Variants in CFAP299 observed in about 807,000 individuals in gnomAD.
CFAP299 encodes the protein cilia- and flagella-associated protein 299.
Under a neutral mutation model 27.0 loss-of-function variants are expected in CFAP299, and 21 were observed. The observed-to-expected ratio is 0.78, with a 90% confidence interval of 0.55 to 1.12. The LOEUF (loss-of-function observed/expected upper bound fraction) is 1.12. CFAP299 is among the 50% of genes most tolerant of loss of function. The pLI is 0.00. For synonymous variants in CFAP299, 104 were observed against 98.1 expected, an observed-to-expected ratio of 1.06 and a Z score of -0.36; for missense variants, 310 against 276.6, an observed-to-expected ratio of 1.12 and a Z score of -0.86.
At chr4:80,575,080 T>G (rs974230295) in intron 2 of CFAP299, among the ~76,000 whole-genome samples, 10 of 152,140 alleles carry the variant, frequency 6.6e-5, no homozygotes, top group Non-Finnish European at 1.3e-4. Flanking sequence ...AGCAGTAAAG[T>G]CATTGGGTCC....
intron 3 of CFAP299, among the ~76,000 whole-genome samples, chr4:80,656,628 A>G (rs546984083): frequency 2.6e-5 from 4 of 152,244 alleles, no homozygotes; most frequent in African/African-American, 4.8e-5. Flanking sequence ...TCTATCACTG[A>G]TGGACATTTG....
intron 5 of CFAP299, among the ~76,000 whole-genome samples, chr4:80,961,045 G>A (rs1738320570): frequency 1.3e-5 from 2 of 151,390 alleles, no homozygotes; most frequent in South Asian, 4.1e-4. Context: ...TCAGTCTAAG[G>A]TTATGTGTTG....
At chr4:80,942,096 C>T (rs1327607210) in intron 4 of CFAP299, among the ~76,000 whole-genome samples, 1 of 152,186 alleles carries the variant, frequency 6.6e-6, no homozygotes, top group Non-Finnish European at 1.5e-5. Context: ...TGGGCCCACA[C>T]TAGTAGTGGA....
chr4:80,783,200 G>C (rs191733033), intron 3 of CFAP299, among the ~76,000 whole-genome samples: 36 of 152,250 alleles, frequency 2.4e-4, no homozygotes, highest in African/African-American at 8.4e-4. Context: ...TAAGATGAAA[G>C]AGTGGTTGAA....
chr4:80,871,742 A>G (rs1319254194), intron 4 of CFAP299: 1 of 611,580 alleles, frequency 1.6e-6, no homozygotes, highest in African/African-American at 2.0e-5. Context: ...ACACTTCAGC[A>G]TGGATCTTTA....
At position 80,460,543 on chromosome 4, in the gene CFAP299, A is replaced by G. The variant is rs530316878; in HGVS notation, c.242+97659A>G. Among the ~76,000 whole-genome samples the G allele has an allele frequency of 5.2e-4, 79 of 152,262 alleles. 1 individual carries two copies. Among genetic ancestry groups the G allele is most frequent in the African/African-American group, 1.8e-3 (76 of 41,556 alleles). On this transcript the variant is annotated intron_variant, in intron 2 of 5. Coordinates refer to ENST00000358105, the MANE Select transcript of CFAP299 (RefSeq NM_152770.3). ...TGTTCATGAAAGTTGCATGCTGAAG[A>G]TGGCCAAAACTTCACTAATGGCTTC...
At chr4:80,613,135 C>T (rs1738085544) in intron 3 of CFAP299, among the ~76,000 whole-genome samples, 1 of 152,084 alleles carries the variant, frequency 6.6e-6, no homozygotes, top group Non-Finnish European at 1.5e-5. Flanking sequence ...TAGTAAGTGG[C>T]AGATTTGAGA....
chr4:80,848,091 G>C (rs992128725), intron 3 of CFAP299, among the ~76,000 whole-genome samples: 1 of 151,722 alleles, frequency 6.6e-6, no homozygotes, highest in African/African-American at 2.4e-5. Context: ...TGCTCCCGTA[G>C]TGCCAGCTAC....
upstream of CFAP299, among the ~76,000 whole-genome samples, chr4:80,334,846 AT>A (rs1416448039): frequency 2.6e-5 from 4 of 152,210 alleles, no homozygotes; most frequent in Non-Finnish European, 5.9e-5. Flanking sequence ...TTTCATTAAA[AT>A]TTTGTTAGCA....
At chr4:80,603,107 A>G (rs1186742884) in intron 3 of CFAP299, among the ~76,000 whole-genome samples, 1 of 152,206 alleles carries the variant, frequency 6.6e-6, no homozygotes, top group Non-Finnish European at 1.5e-5. Flanking sequence ...GTCAAAAGCA[A>G]GGAATTATGG....
chr4:80,835,013 T>A (rs909656690), intron 3 of CFAP299, among the ~76,000 whole-genome samples: 2 of 152,200 alleles, frequency 1.3e-5, no homozygotes. Context: ...GCCTTCCCAC[T>A]TACTCTTTAC....
At chr4:80,813,440 A>G (rs1186160702) in intron 3 of CFAP299, among the ~76,000 whole-genome samples, 1 of 152,018 alleles carries the variant, frequency 6.6e-6, no homozygotes, top group Non-Finnish European at 1.5e-5. Flanking sequence ...TGTAAAAATC[A>G]GGAGAGTTGT....
chr4:80,546,529 T>G (rs1395643008), intron 2 of CFAP299, among the ~76,000 whole-genome samples: 1 of 152,168 alleles, frequency 6.6e-6, no homozygotes. Context: ...TGATATAGTT[T>G]GAATATTTTC....
chr4:80,634,634 T>C (rs1739396873), intron 3 of CFAP299, among the ~76,000 whole-genome samples: 1 of 152,204 alleles, frequency 6.6e-6, no homozygotes, highest in Non-Finnish European at 1.5e-5. Flanking sequence ...GGTATTATCT[T>C]ACAGCATATG....
chr4:80,802,012 G>C (rs1024059309), intron 3 of CFAP299, among the ~76,000 whole-genome samples: 1 of 151,978 alleles, frequency 6.6e-6, no homozygotes, highest in East Asian at 1.9e-4. Flanking sequence ...TGTTGAAGCA[G>C]GAAGTCACTA....
intron 2 of CFAP299, among the ~76,000 whole-genome samples, chr4:80,444,077 T>C (rs573516651): frequency 6.6e-6 from 1 of 152,116 alleles, no homozygotes; most frequent in East Asian, 1.9e-4. Flanking sequence ...ATAGGAAAAA[T>C]CAATATTGTG....
rs532256490 is a variant in CFAP299 at position 80,765,650 on chromosome 4, C to T, written c.334-104343C>T. ...TTATTATACTTTAAGTTTCAGGGTACATGTGCACAACATGCAGGTTTGTTA... is the reference window on the plus strand; with the variant it reads ...TTATTATACTTTAAGTTTCAGGGTATATGTGCACAACATGCAGGTTTGTTA... On this transcript the variant is annotated intron_variant, in intron 3 of 5. Coordinates refer to ENST00000358105, the MANE Select transcript of CFAP299 (RefSeq NM_152770.3). 3.6e-4 allele frequency among the ~76,000 whole-genome samples: 55 copies of T among 151,666 alleles called. No homozygotes were observed. In the Middle Eastern group the frequency reaches 0.014, roughly 38 times the overall value.
chr4:80,656,317 A>T (rs540203138), intron 3 of CFAP299, among the ~76,000 whole-genome samples: 1 of 150,444 alleles, frequency 6.6e-6, no homozygotes, highest in African/African-American at 2.4e-5. Context: ...TGGTGGTTTG[A>T]TGCACCCATC....
chr4:80,653,225 A>T (rs1389930468), intron 3 of CFAP299, among the ~76,000 whole-genome samples: 1 of 152,060 alleles, frequency 6.6e-6, no homozygotes. Flanking sequence ...ATTTTGACAA[A>T]CGGCAGATCT....
Sources: allele counts gnomAD v4.1 joint callset (sites outside exome capture counted in the v4.1 genomes callset), GRCh38; gene constraint gnomAD v4.1.1; transcripts MANE v1.5; gene names NCBI Gene and HGNC (gene_info 2026-07-23, HGNC 2026-07-21).